TPTE2: variants seen among roughly 807,000 people sequenced by gnomAD.
TPTE2 encodes phosphatidylinositol 3,4,5-trisphosphate 3-phosphatase TPTE2.
A neutral mutation model predicts 78.6 loss-of-function variants in TPTE2; 53 were observed. The observed-to-expected ratio is 0.67, with a 90% CI of 0.54 to 0.85. The LOEUF is 0.85. TPTE2 is among the 40% of genes least tolerant of loss of function. The pLI is 0.00. For missense variants in TPTE2, 461 were observed against 623.0 expected (o/e 0.74, Z 2.77); for synonymous variants, 175 against 206.2 (o/e 0.85, Z 1.30).
intron 19 of TPTE2, 39 bp from the exon 23 acceptor site, chr13:19,423,203 C>G: frequency 6.5e-7 from 1 of 1,534,402 alleles, no homozygotes; most frequent in Admixed American, 2.0e-5. Flanking sequence ...TATATTGGGG[C>G]TCACCAAAAA....
chr13:19,425,219 T>G (rs1875939947), intron 18 of TPTE2, among the ~76,000 whole-genome samples: 1 of 152,224 alleles, frequency 6.6e-6, no homozygotes, highest in African/African-American at 2.4e-5. Flanking sequence ...CTCTTGCTGT[T>G]TCTATCAAAA....
At chr13:19,521,043 A>C (rs1321243449) in intron 1 of TPTE2, among the ~76,000 whole-genome samples, 3 of 152,010 alleles carry the variant, frequency 2.0e-5, no homozygotes, top group Non-Finnish European at 4.4e-5. Flanking sequence ...TTCCATGTGC[A>C]CTTATAAAGA....
intron 4 of TPTE2, among the ~76,000 whole-genome samples, chr13:19,480,834 C>T (rs569095479): frequency 6.6e-6 from 1 of 152,184 alleles, no homozygotes; most frequent in South Asian, 2.1e-4. Context: ...CACAGAATTT[C>T]CACTTCTGAG....
At chr13:19,433,197 A>G (rs1460347539) in intron 15 of TPTE2, among the ~76,000 whole-genome samples, 2 of 151,930 alleles carry the variant, frequency 1.3e-5, no homozygotes, top group Admixed American at 6.6e-5. Context: ...CTGGTACTCA[A>G]TCAACTGGTT....
Position 19,503,204 on chromosome 13 carries a change from C to G in TPTE2, c.11+20G>C, listed in dbSNP as rs762979744. The G allele has an allele frequency of 1.9e-6, 3 of 1,613,476 alleles. No homozygotes were observed. Among genetic ancestry groups the G allele is most frequent in the Non-Finnish European group, 8.5e-7 (1 of 1,179,568 alleles). ...TCAGTTATAATTAGATAAATAAAGA[C>G]ACATGTATGCATAACTCACCTTTCA... On this transcript the variant is annotated intron_variant, in intron 1 of 19. Coordinates refer to ENST00000400230, the Ensembl canonical transcript of TPTE2.
At chr13:19,509,687 ATACT>A (rs1869302230) in intron 1 of TPTE2, among the ~76,000 whole-genome samples, 1 of 152,172 alleles carries the variant, frequency 6.6e-6, no homozygotes. Flanking sequence ...GAATATTGAC[ATACT>A]TACTACAAAA....
chr13:19,461,809 A>G (rs1490073105), intron 10 of TPTE2, among the ~76,000 whole-genome samples: 1 of 152,068 alleles, frequency 6.6e-6, no homozygotes, highest in African/African-American at 2.4e-5. Flanking sequence ...TCTGATAAGT[A>G]TGGCTACCTC....
chr13:19,437,153 T>C (rs1020669331), intron 14 of TPTE2, among the ~76,000 whole-genome samples: 10 of 152,184 alleles, frequency 6.6e-5, no homozygotes, highest in African/African-American at 1.7e-4. Flanking sequence ...CCAGTAACTT[T>C]ATTTTAAAAC....
intron 1 of TPTE2, among the ~76,000 whole-genome samples, chr13:19,523,056 G>A (rs966942766): frequency 5.3e-5 from 8 of 152,266 alleles, no homozygotes; most frequent in African/African-American, 1.9e-4. Flanking sequence ...TCTAAGTCAG[G>A]CCAAATAAAG....
intron 17 of TPTE2, among the ~76,000 whole-genome samples, chr13:19,426,778 C>T (rs1288953460): frequency 1.3e-5 from 2 of 152,152 alleles, no homozygotes; most frequent in Admixed American, 6.5e-5. Flanking sequence ...GATCTCGGCT[C>T]ATGGCAACCT....
At chr13:19,438,332 G>A in intron 13 of TPTE2, 179 bp from the exon 17 acceptor site, 19 of 985,308 alleles carry the variant, frequency 1.9e-5, no homozygotes, top group Non-Finnish European at 2.3e-5. Flanking sequence ...CGCCTCACAG[G>A]TGAAAAATAC....
At chr13:19,507,754 G>A (rs139008404), upstream of TPTE2, among the ~76,000 whole-genome samples, 10 of 152,186 alleles carry the variant, frequency 6.6e-5, no homozygotes, top group East Asian at 5.8e-4. Context: ...AGTCAATTGC[G>A]GGTGGCTGAC....
intron 2 of TPTE2, among the ~76,000 whole-genome samples, chr13:19,493,130 T>C (rs1366480271): frequency 6.6e-6 from 1 of 151,148 alleles, no homozygotes; most frequent in Non-Finnish European, 1.5e-5. Context: ...CAAAGAAGGA[T>C]GCAAAGTTAC....
At chr13:19,452,990 A>AT (rs1031703570) in intron 10 of TPTE2, among the ~76,000 whole-genome samples, 1 of 14,528 alleles carries the variant, frequency 6.9e-5, no homozygotes, top group African/African-American at 1.8e-4. Context: ...TATTTTATTT[A>AT]TTTTATTTTA....
the TPTE2 span, among the ~76,000 whole-genome samples, chr13:19,556,814 G>A: frequency 6.6e-6 from 1 of 152,128 alleles, no homozygotes; most frequent in African/African-American, 2.4e-5. Flanking sequence ...ATTTCTACAA[G>A]ATCCAAAAAA....
intron 1 of TPTE2, among the ~76,000 whole-genome samples, chr13:19,495,207 A>T (rs1169556512): frequency 1.3e-5 from 1 of 75,754 alleles, no homozygotes; most frequent in Non-Finnish European, 3.8e-5. Context: ...AAGTAGCTGG[A>T]GGCCTCAAGC....
chr13:19,529,402 C>T (rs1470784779), intron 1 of TPTE2, among the ~76,000 whole-genome samples: 2 of 152,212 alleles, frequency 1.3e-5, no homozygotes, highest in African/African-American at 4.8e-5. Flanking sequence ...GCTGAGATTA[C>T]AGGCGTGAGC....
intron 13 of TPTE2, among the ~76,000 whole-genome samples, chr13:19,448,839 C>T (rs1260808455): frequency 6.6e-6 from 1 of 152,188 alleles, no homozygotes; most frequent in Non-Finnish European, 1.5e-5. Flanking sequence ...GAAATCTGCA[C>T]TCCCGTGTTC....
the TPTE2 span, among the ~76,000 whole-genome samples, chr13:19,552,043 T>A: frequency 6.6e-6 from 1 of 152,236 alleles, no homozygotes; most frequent in African/African-American, 2.4e-5. Context: ...GTGAAGTAGA[T>A]GATATTCTGT....
Sources: gnomAD v4.1 joint callset for allele counts (sites outside exome capture counted in the v4.1 genomes callset) on GRCh38, gnomAD v4.1.1 for gene constraint, MANE v1.5 for transcripts, NCBI Gene and HGNC (gene_info 2026-07-23, HGNC 2026-07-21) for gene names.